PPP2R2D: variants seen among roughly 807,000 people sequenced by gnomAD.
The protein encoded by PPP2R2D is serine/threonine-protein phosphatase 2A 55 kDa regulatory subunit B delta isoform.
A neutral mutation model predicts 31.1 loss-of-function variants in PPP2R2D; 9 were observed. The ratio of observed to expected loss-of-function variants is 0.29; its 90% CI spans 0.17 to 0.51. The LOEUF (loss-of-function observed/expected upper bound fraction) is 0.51. PPP2R2D is among the 20% of genes least tolerant of loss of function. The probability of loss-of-function intolerance (pLI) is 0.98; values close to 1 mark genes in which losing one functional copy is unlikely to be tolerated. For missense variants in PPP2R2D, 391 were observed against 465.6 expected, an observed-to-expected ratio of 0.84 and a Z score of 1.48; for synonymous variants, 179 against 172.6, an observed-to-expected ratio of 1.04 and a Z score of -0.29.
intron 2 of PPP2R2D, among the ~76,000 whole-genome samples, chr10:131,918,694 C>A (rs1367127222): frequency 7.4e-6 from 1 of 134,428 alleles, no homozygotes; most frequent in Non-Finnish European, 1.6e-5. Flanking sequence ...GGACCTCACG[C>A]GGGTGGAATG....
rs1340440404 is a variant in PPP2R2D, at chr10:131,901,244, G to C, written c.14G>C (p.Gly5Ala). 2.8e-6 allele frequency: 1 copy of C among 355,400 alleles called. No individual in the cohort carries two copies. Among genetic ancestry groups the C allele is most frequent in the East Asian group, 4.1e-5 (1 of 24,170 alleles). The allele number at this position is 355,400 out of a possible 1,614,324, so 22.0% of individuals were successfully genotyped here. Reference sequence around the variant, plus strand: ...CGCCCCGTTGTGTTTGCAGGAGCCGGAGGCGGCGGCTGCCCCGCGGGCGGC... The same window carrying C: ...CGCCCCGTTGTGTTTGCAGGAGCCGCAGGCGGCGGCTGCCCCGCGGGCGGC... MAGA[G>A]GGGCPAGGND... Residue 5 changes from glycine (G) to alanine (A), a missense_variant, in exon 2 of 9, where the codon GGA becomes GCA. Coordinates refer to ENST00000455566, the MANE Select transcript of PPP2R2D (RefSeq NM_018461.5).
chr10:131,916,316 T>A (rs1490842619), intron 2 of PPP2R2D, among the ~76,000 whole-genome samples: 4 of 145,140 alleles, frequency 2.8e-5, no homozygotes, highest in Non-Finnish European at 6.0e-5. Context: ...ACACCCAGGT[T>A]GGCATAGATT....
intron 3 of PPP2R2D, among the ~76,000 whole-genome samples, chr10:131,938,087 C>A (rs147721185): frequency 6.8e-6 from 1 of 147,368 alleles, no homozygotes; most frequent in Non-Finnish European, 1.5e-5. Context: ...AGTGCAGCGA[C>A]GCGGGGCAGG....
intron 2 of PPP2R2D, among the ~76,000 whole-genome samples, chr10:131,908,441 ATGT>A (rs1174902037): frequency 6.6e-6 from 1 of 152,008 alleles, no homozygotes; most frequent in African/African-American, 2.4e-5. Flanking sequence ...ACTGTGTTCC[ATGT>A]TGTTTAGCAA....
At chr10:131,939,195 A>T (rs2036398525) in intron 3 of PPP2R2D, among the ~76,000 whole-genome samples, 1 of 2,526 alleles carries the variant, frequency 4.0e-4, no homozygotes, top group African/African-American at 1.7e-3. Flanking sequence ...GGCAGGCTGC[A>T]TTCGGCAGAC....
chr10:131,966,416 C>T, the PPP2R2D span: 1 of 152,202 alleles, frequency 6.6e-6, no homozygotes, highest in Non-Finnish European at 1.5e-5. Context: ...CTGCCATTAT[C>T]CTACCTCAAA....
intron 3 of PPP2R2D, 189 bp downstream of exon 3, chr10:131,934,744 G>A: frequency 3.4e-6 from 2 of 583,960 alleles, no homozygotes; most frequent in South Asian, 3.3e-5. Context: ...CCCCGGTGAA[G>A]TCTCCAAGGC....
intron 6 of PPP2R2D, among the ~76,000 whole-genome samples, chr10:131,944,506 GTTTAATCA>G: frequency 6.6e-6 from 1 of 152,034 alleles, no homozygotes; most frequent in East Asian, 1.9e-4. Flanking sequence ...TTAGAGCAGT[GTTTAATCA>G]CCCATCTGAG....
rs1554898223 is a variant in PPP2R2D, at chr10:131,947,741, G to A, written c.1032G>A (p.Glu344=). Reference sequence around the variant, plus strand: ...GCAGCAAGCTCTGCTCTCTCTATGAGAACGACTGCATCTTTGACAAGTTTG... The same window carrying A: ...GCAGCAAGCTCTGCTCTCTCTATGAAAACGACTGCATCTTTGACAAGTTTG... ...YLRSKLCSLY[E]NDCIFDKFEC... is the part of the protein sequence containing the mutation. The change falls in exon 8 of 9, where the codon GAG becomes GAA. Residue 344 remains glutamate, a synonymous_variant. Transcript: ENST00000455566. The surrounding 1 kb of genome is among the most constrained non-coding windows in gnomAD (Gnocchi z 4.3). The A allele has an allele frequency of 6.2e-7, 1 of 1,614,174 alleles. No individual in the cohort carries two copies.
chr10:131,968,648 A>C, the PPP2R2D span: 77 of 1,330,732 alleles, frequency 5.8e-5, no homozygotes, highest in Non-Finnish European at 7.1e-5. Flanking sequence ...AGGGTAGCTC[A>C]CTGTGGTTAG....
chr10:131,922,767 T>TA (rs1194737504), intron 2 of PPP2R2D, among the ~76,000 whole-genome samples: 4 of 152,118 alleles, frequency 2.6e-5, no homozygotes, highest in African/African-American at 7.2e-5. Context: ...ATTTTTTTCT[T>TA]AAAAAAAATT....
chr10:131,914,510 TG>T (rs782633623), intron 2 of PPP2R2D, among the ~76,000 whole-genome samples: 20 of 152,234 alleles, frequency 1.3e-4, no homozygotes, highest in Non-Finnish European at 2.9e-4. Context: ...AGGTTCCACT[TG>T]TAGGAATCCT....
chr10:131,934,858 G>A (rs782617032), intron 3 of PPP2R2D: 9 of 478,530 alleles, frequency 1.9e-5, no homozygotes, highest in Non-Finnish European at 2.9e-5. Context: ...GAACTCACGC[G>A]GCTCTCTCTG....
chr10:131,912,871 C>T (rs2035706675), intron 2 of PPP2R2D, among the ~76,000 whole-genome samples: 1 of 152,204 alleles, frequency 6.6e-6, no homozygotes, highest in Non-Finnish European at 1.5e-5. Context: ...TCCTTCTGCC[C>T]TTCCTGGGTG....
rs1554897006 is a variant in PPP2R2D at position 131,940,123 on chromosome 10, A to C, written c.291A>C (p.Glu97Asp). The change falls in exon 4 of 9, where the codon GAA (glutamate) becomes GAC (aspartate). Residue 97 changes from glutamate to aspartate, a missense_variant. Physicochemically the swap from Glu to Asp is conservative, Grantham distance 45. Coordinates refer to ENST00000455566, the MANE Select transcript of PPP2R2D (RefSeq NM_018461.5). ...EPEFDYLKSL[E>D]IEEKINKIRW... ...AGTTTGACTATTTGAAAAGTCTAGA[A>C]ATTGAGGAAAAAATTAATAAAATTA... 1 of 779,058 alleles carries C rather than the reference A, an allele frequency of 1.3e-6. No homozygotes were observed. Among genetic ancestry groups the C allele is most frequent in the Non-Finnish European group, 2.4e-6 (1 of 417,366 alleles). 48.3% of individuals were successfully genotyped at this position (779,058 alleles called of 1,614,324 possible). A position where few individuals can be genotyped will look rare whatever the true frequency, so the allele number is the denominator to read the frequency against.
intron 3 of PPP2R2D, chr10:131,939,686 CT>C (rs1309312723): frequency 6.0e-6 from 1 of 165,450 alleles, no homozygotes; most frequent in Non-Finnish European, 1.3e-5. Flanking sequence ...ATTCGACAGG[CT>C]GAATTCGGCA....
chr10:131,916,515 G>T (rs1554893090), intron 2 of PPP2R2D, among the ~76,000 whole-genome samples: 2 of 152,146 alleles, frequency 1.3e-5, no homozygotes, highest in African/African-American at 4.8e-5. Flanking sequence ...ACACAACTTT[G>T]TCCTATTAAA....
At chr10:131,935,494 A>G (rs1377870425) in intron 3 of PPP2R2D, among the ~76,000 whole-genome samples, 1 of 150,346 alleles carries the variant, frequency 6.7e-6, no homozygotes, top group Non-Finnish European at 1.5e-5. Flanking sequence ...CCTGCCCCCC[A>G]GGAAGGGGAG....
At chr10:131,909,142 C>G (rs1013121964) in intron 2 of PPP2R2D, among the ~76,000 whole-genome samples, 6,747 of 152,116 alleles carry the variant, frequency 0.044, 233 homozygotes, top group African/African-American at 0.054. Flanking sequence ...GTGGAGAGTG[C>G]TTGGTGTGGA....
Sources: gnomAD v4.1 joint callset for allele counts (sites outside exome capture counted in the v4.1 genomes callset) on GRCh38, gnomAD v4.1.1 for gene constraint, Gnocchi (gnomAD v3.1) non-coding constraint, MANE v1.5 for transcripts, NCBI Gene and HGNC (gene_info 2026-07-23, HGNC 2026-07-21) for gene names.